The following SLC6A18 variants were observed in gnomAD, a reference collection of about 807,000 sequenced individuals.
SLC6A18 encodes inactive sodium-dependent neutral amino acid transporter B(0)AT3.
SLC6A18 carries 58 observed loss-of-function variants against 62.9 expected under a neutral mutation model. That is an observed-to-expected ratio of 0.92 (90% CI 0.75 to 1.15). The LOEUF is 1.15. Ranked by LOEUF, SLC6A18 falls within the 50% of genes most tolerant of loss-of-function variation. The pLI, the probability that SLC6A18 is intolerant of heterozygous loss-of-function variation, is 0.00. For synonymous variants in SLC6A18, 382 were observed against 365.8 expected (o/e 1.04, Z -0.51); for missense variants, 793 against 836.6 (o/e 0.95, Z 0.64).
chr5:1,227,039 C>T (rs1273276772), intron 1 of SLC6A18, among the ~76,000 whole-genome samples: 7 of 140,318 alleles, frequency 5.0e-5, no homozygotes, highest in African/African-American at 1.2e-4. Context: ...CCTTGCCCGC[C>T]GACGCCTTGC....
intron 1 of SLC6A18, among the ~76,000 whole-genome samples, chr5:1,230,758 C>T (rs528092740): frequency 9.9e-5 from 15 of 152,262 alleles, no homozygotes; most frequent in East Asian, 3.9e-4. Flanking sequence ...TGTGGGCAGC[C>T]GGCACCCATG....
intron 11 of SLC6A18, among the ~76,000 whole-genome samples, chr5:1,245,074 C>A (rs1449739384): frequency 6.6e-6 from 1 of 152,176 alleles, no homozygotes. Context: ...CCCTGGAGCT[C>A]CTCCTTGGGG....
rs201888572 is a variant in SLC6A18 at position 1,239,498 on chromosome 5, A to G, written c.781A>G (p.Ile261Val). The G allele has an allele frequency of 8.7e-6, 14 of 1,614,034 alleles. No individual in the cohort carries two copies. In the African/African-American group the frequency reaches 9.3e-5, roughly 11 times the overall value. Residue 261 changes from isoleucine to valine, a missense_variant, in exon 6 of 12, where the codon ATA becomes GTA. Ile to Val is a conservative substitution (Grantham distance 29). Transcript: ENST00000324642. ...GGTGTGGCTGGACGCAGCCACCCAG[A>G]TATTCTTCTCTCTGTCCCTGGCCTT... ...PRVWLDAATQIFFSLSLAFGG... is the reference protein window; with the variant it reads ...PRVWLDAATQVFFSLSLAFGG...
chr5:1,240,743 A>AAGGGT, intron 7 of SLC6A18, 84 bp downstream of exon 7: 1 of 1,569,638 alleles, frequency 6.4e-7, no homozygotes, highest in East Asian at 2.3e-5. Flanking sequence ...AGGCATGAGG[A>AAGGGT]AGGGTGGCGT....
chr5:1,231,310 C>T (rs1023510540), intron 1 of SLC6A18, among the ~76,000 whole-genome samples: 1 of 152,202 alleles, frequency 6.6e-6, no homozygotes, highest in African/African-American at 2.4e-5. Context: ...GCCCTGGGGC[C>T]TGTGGGGCCT....
At chr5:1,229,717 A>T (rs1003904484) in intron 1 of SLC6A18, among the ~76,000 whole-genome samples, 1 of 152,248 alleles carries the variant, frequency 6.6e-6, no homozygotes, top group Non-Finnish European at 1.5e-5. Context: ...GTCACACACC[A>T]GCCTTGAGAC....
intron 1 of SLC6A18, among the ~76,000 whole-genome samples, chr5:1,228,542 G>C (rs969449296): frequency 2.0e-5 from 3 of 152,142 alleles, no homozygotes; most frequent in African/African-American, 7.2e-5. Flanking sequence ...GGTTTCTCTC[G>C]ATCCTGCGTG....
Position 1,239,631 on chromosome 5 carries a change from A to C in SLC6A18, c.845+69A>C. The C allele has an allele frequency of 4.6e-5, 54 of 1,185,514 alleles. No homozygotes were observed. The Middle Eastern group carries it at 5.8e-4, about 13-fold the overall frequency. 73.4% of individuals were successfully genotyped at this position (1,185,514 alleles called of 1,614,324 possible). On this transcript the variant is annotated intron_variant, in intron 6 of 11. Transcript: ENST00000324642. ...AGACGCCCGAGCACTTCCTGATCTCAGGATCACACTGTGGATCCAAGGGTG... is the reference window on the plus strand; with the variant it reads ...AGACGCCCGAGCACTTCCTGATCTCCGGATCACACTGTGGATCCAAGGGTG...
intron 3 of SLC6A18, among the ~76,000 whole-genome samples, chr5:1,233,989 C>T (rs1319234943): frequency 1.3e-5 from 2 of 152,172 alleles, no homozygotes; most frequent in East Asian, 1.9e-4. Context: ...GATCCGCCTG[C>T]CTCGGCCTCC....
At position 1,246,082 on chromosome 5, in the gene SLC6A18, C is replaced by T. The variant is rs774134092; in HGVS notation, c.*4C>T. ...CCCGGACACGGACATGCGCTGAAGC[C>T]GGCCGGAGCGGGGCCTGCATGGGCG... On this transcript the variant is annotated 3_prime_UTR_variant, in exon 12 of 12. Transcript: ENST00000324642. 49 of 1,545,672 alleles carry T rather than the reference C, an allele frequency of 3.2e-5. No individual in the cohort carries two copies. The African/African-American group carries it at 5.1e-4, about 16-fold the overall frequency.
chr5:1,235,442 C>T (rs200562376), intron 3 of SLC6A18, 39 bp from the exon 4 acceptor site: 61 of 1,600,564 alleles, frequency 3.8e-5, no homozygotes, highest in Middle Eastern at 1.7e-4. Context: ...AGGGTGCCTA[C>T]GCCCCACAGC....
rs138941918 is a variant in SLC6A18, at chr5:1,225,508, G to A, written c.31G>A (p.Ala11Thr). MAHAPEPDPAACDLGDERPKW... is the reference protein window; with the variant it reads MAHAPEPDPATCDLGDERPKW... ...TCATGCCCCAGAACCGGACCCGGCC[G>A]CCTGCGACCTCGGGGATGAGAGGCC... Residue 11 changes from alanine (A) to threonine (T), a missense_variant, in exon 1 of 12, where the codon GCC becomes ACC. Physicochemically the swap from Ala to Thr is moderately conservative, Grantham distance 58 (BLOSUM62 0). Coordinates refer to ENST00000324642, the MANE Select transcript of SLC6A18 (RefSeq NM_182632.3). 47 of 1,613,296 alleles carry A rather than the reference G, an allele frequency of 2.9e-5. No individual in the cohort carries two copies. Among genetic ancestry groups the A allele is most frequent in the African/African-American group, 9.3e-5 (7 of 75,010 alleles).
intron 11 of SLC6A18, 148 bp from the exon 12 acceptor site, chr5:1,245,700 G>A (rs984164298): frequency 2.3e-6 from 2 of 862,682 alleles, no homozygotes; most frequent in Admixed American, 5.9e-5. Flanking sequence ...GCGGCCACAC[G>A]GCCTGGCCAC....
chr5:1,234,513 T>C (rs772401351), intron 3 of SLC6A18, among the ~76,000 whole-genome samples: 3 of 152,214 alleles, frequency 2.0e-5, no homozygotes, highest in African/African-American at 7.2e-5. Context: ...CCTTCTACCT[T>C]GTCCAAGCGT....
Position 1,225,427 on chromosome 5 carries a change from G to C in SLC6A18, c.-51G>C. The C allele has an allele frequency of 6.4e-7, 1 of 1,562,912 alleles. No homozygotes were observed. The highest frequency in any genetic ancestry group is 8.7e-7 in the Non-Finnish European group (1 of 1,154,998). ...GCTGGAGACGGCTCTCTAGTGCTGGGTGTGGAGTGAGGCACCACCCTTGCC... is the reference window on the plus strand; with the variant it reads ...GCTGGAGACGGCTCTCTAGTGCTGGCTGTGGAGTGAGGCACCACCCTTGCC... On this transcript the variant is annotated 5_prime_UTR_variant, in exon 1 of 12. Transcript: ENST00000324642.
intron 4 of SLC6A18, among the ~76,000 whole-genome samples, chr5:1,237,077 T>C (rs1018831031): frequency 2.2e-5 from 3 of 137,662 alleles, no homozygotes; most frequent in African/African-American, 8.0e-5. Context: ...CTACTAAAAA[T>C]AAAAAAAAAA....
At position 1,241,665 on chromosome 5, in the gene SLC6A18, G is replaced by A. The variant is rs1215151179; in HGVS notation, c.974+1006G>A. Among the ~76,000 whole-genome samples the A allele has an allele frequency of 2.6e-5, 4 of 152,144 alleles. No homozygotes were observed. The highest frequency in any genetic ancestry group is 4.4e-5 in the Non-Finnish European group (3 of 68,022). On this transcript the variant is annotated intron_variant, in intron 7 of 11. Coordinates refer to ENST00000324642, the MANE Select transcript of SLC6A18 (RefSeq NM_182632.3). This position sits in a 1 kb window ranked among gnomAD's most constrained non-coding sequence, Gnocchi z 7.8. The stretch of plus-strand genomic sequence containing the variant: ...CAGGATGAGCCGGGTCAGGGAGGAC[G>A]GTGATTTATAGGATTTACAGGATGA...
In SLC6A18 at chr5:1,244,363, G is replaced by A. The variant is rs147278493; in HGVS notation, c.1486G>A (p.Gly496Arg). ...GGTTGTGGGTGTCGTTTATGTTTAT[G>A]GAATGAAACGGTGAGCTGCCGCCCC... Reference protein sequence around the residue: ...LEVVGVVYVYGMKRFCDDIAW... With the variant: ...LEVVGVVYVYRMKRFCDDIAW... Residue 496 changes from glycine to arginine, a missense_variant, in exon 10 of 12, where the codon GGA (glycine) becomes AGA (arginine). Transcript: ENST00000324642. The A allele has an allele frequency of 3.3e-3, 5,314 of 1,613,206 alleles. 20 individuals are homozygous for A. The highest frequency in any genetic ancestry group is 4.3e-3 in the Non-Finnish European group (5,035 of 1,179,486).
rs1747206877 is a variant in SLC6A18, at chr5:1,245,930, TGTGG to T, written c.1742_1745del (p.Trp581SerfsTer?). The T allele has an allele frequency of 1.9e-6, 3 of 1,605,146 alleles. No homozygotes were observed. Among genetic ancestry groups the T allele is most frequent in the Non-Finnish European group, 1.7e-6 (2 of 1,179,482 alleles). On this transcript the variant is annotated frameshift_variant, in exon 12 of 12. Coordinates refer to ENST00000324642, the MANE Select transcript of SLC6A18 (RefSeq NM_182632.3). LOFTEE classifies it low-confidence loss of function (END_TRUNC). ...GTGCTGCTGTCCTTGCTGCCCGTGC[TGTGG>T]GTCCCGGTGGCCGCGCTTGCTCAGC...
Sources: gnomAD v4.1 joint callset for allele counts (sites outside exome capture counted in the v4.1 genomes callset) on GRCh38, gnomAD v4.1.1 for gene constraint, Gnocchi (gnomAD v3.1) non-coding constraint, MANE v1.5 for transcripts, NCBI Gene and HGNC (gene_info 2026-07-23, HGNC 2026-07-21) for gene names.